Variants in ZNF765 observed in about 807,000 individuals in gnomAD.
The protein encoded by ZNF765 is zinc finger protein 765.
A neutral mutation model predicts 44.7 loss-of-function variants in ZNF765; 37 were observed. The ratio of observed to expected loss-of-function variants is 0.83; its 90% confidence interval spans 0.64 to 1.09. The LOEUF is 1.09. ZNF765 is among the 50% of genes least tolerant of loss of function. The pLI is 0.00. For synonymous variants in ZNF765, 201 were observed against 213.7 expected (o/e 0.94, Z 0.52); for missense variants, 594 against 626.1 (o/e 0.95, Z 0.55).
chr19:53,401,431 T>C (rs575869497), intron 2 of ZNF765, among the ~76,000 whole-genome samples: 1,605 of 151,466 alleles, frequency 0.011, 8 homozygotes, highest in Non-Finnish European at 0.016. Context: ...GGCGTGGTGG[T>C]GGGCGCCTGT....
At chr19:53,398,058 C>G (rs1158126224) in intron 2 of ZNF765, 28 bp downstream of exon 2, 2 of 1,524,338 alleles carry the variant, frequency 1.3e-6, no homozygotes, top group African/African-American at 1.7e-5. Flanking sequence ...GTGGATTGTT[C>G]TGTCTCCTTC....
At chr19:53,417,940 C>T (rs2085884760) in intron 3 of ZNF765, among the ~76,000 whole-genome samples, 1 of 152,072 alleles carries the variant, frequency 6.6e-6, no homozygotes, top group African/African-American at 2.4e-5. Context: ...CCTGATGTAC[C>T]AGAGCTCAGT....
Position 53,402,153 on chromosome 19 carries a change from A to T in ZNF765, c.104A>T (p.Asp35Val). 1 of 1,613,690 alleles carries T rather than the reference A, an allele frequency of 6.2e-7. No homozygotes were observed. Among genetic ancestry groups the T allele is most frequent in the Non-Finnish European group, 8.5e-7 (1 of 1,179,910 alleles). Residue 35 changes from aspartate (D) to valine (V), a missense_variant, in exon 3 of 4, where the codon GAC becomes GTC. Around this residue, in one of 2 missense-constraint regions of ZNF765, gnomAD observed 27 missense variants for 53.6 expected, o/e 0.50. Transcript: ENST00000396408. ...CCTGCTCAGAGGACTCTATACAGGG[A>T]CGTGATGCTGGAGAATTATAGGAAC... is the stretch of plus-strand genomic sequence containing the variant. ...LDPAQRTLYR[D>V]VMLENYRNLV...
At position 53,408,150 on chromosome 19, in the gene ZNF765, T is replaced by C; in HGVS notation, c.595T>C (p.Ser199Pro). 1 of 1,614,028 alleles carries C rather than the reference T, an allele frequency of 6.2e-7. No individual in the cohort carries two copies. Among genetic ancestry groups the C allele is most frequent in the African/African-American group, 1.3e-5 (1 of 75,046 alleles). Residue 199 changes from serine (S) to proline (P), a missense_variant, in exon 4 of 4, where the codon TCT becomes CCT. Ser to Pro is a moderately conservative substitution (Grantham distance 74). Around this residue, in one of 2 missense-constraint regions of ZNF765, gnomAD observed 567 missense variants for 572.6 expected, o/e 0.99. Coordinates refer to ENST00000396408, the MANE Select transcript of ZNF765 (RefSeq NM_001040185.3). ...SNDYGNNFLN[S>P]SLFTQKQEVH... The stretch of plus-strand genomic sequence containing the variant: ...TGACTATGGGAATAATTTCCTGAAT[T>C]CTTCATTATTCACACAAAAACAGGA...
At position 53,397,970 on chromosome 19, in the gene ZNF765, T is replaced by A; in HGVS notation, c.-46T>A. The stretch of plus-strand genomic sequence containing the variant: ...TTGACTTCTAAAGACTCTTGGTATG[T>A]GAGGAAGAAACCTGGAAGAGGAAGA... On this transcript the variant is annotated 5_prime_UTR_variant, in exon 2 of 4. It removes the in-frame stop codon of an upstream open reading frame in the 5' UTR. Transcript: ENST00000396408. 6.2e-7 allele frequency: 1 copy of A among 1,611,436 alleles called. No individual in the cohort carries two copies. The highest frequency in any genetic ancestry group is 8.5e-7 in the Non-Finnish European group (1 of 1,179,802).
At chr19:53,399,887 T>A (rs2085706528) in intron 2 of ZNF765, among the ~76,000 whole-genome samples, 1 of 152,144 alleles carries the variant, frequency 6.6e-6, no homozygotes, top group South Asian at 2.1e-4. Context: ...TGATCTCAAC[T>A]CACTGCAACC....
chr19:53,401,951 G>C, intron 2 of ZNF765, 114 bp from the exon 3 acceptor site: 2 of 1,607,118 alleles, frequency 1.2e-6, no homozygotes, highest in Non-Finnish European at 1.7e-6. Flanking sequence ...ACTCAGATTT[G>C]TTAGAACATT....
downstream of ZNF765, among the ~76,000 whole-genome samples, chr19:53,412,661 A>G (rs1219630299): frequency 3.3e-5 from 5 of 152,274 alleles, no homozygotes; most frequent in South Asian, 6.2e-4. Flanking sequence ...TGATGAGATC[A>G]GATGCAGTGT....
At chr19:53,397,843 C>CGT in intron 1 of ZNF765, 100 bp from the exon 2 acceptor site, 1 of 1,207,262 alleles carries the variant, frequency 8.3e-7, no homozygotes, top group East Asian at 2.5e-5. Flanking sequence ...CATAGGGGAC[C>CGT]GTATGTCCTC....
chr19:53,397,346 A>G (rs1404214673), intron 1 of ZNF765, among the ~76,000 whole-genome samples: 1 of 152,182 alleles, frequency 6.6e-6, no homozygotes, highest in African/African-American at 2.4e-5. Flanking sequence ...GATGATTCCA[A>G]GTACTGCTTG....
chr19:53,401,966 G>A, intron 2 of ZNF765, 99 bp from the exon 3 acceptor site: 1 of 1,611,724 alleles, frequency 6.2e-7, no homozygotes, highest in Non-Finnish European at 8.5e-7. Flanking sequence ...AACATTCACT[G>A]CATTTAAATC....
At chr19:53,400,264 A>G (rs766261909) in intron 2 of ZNF765, among the ~76,000 whole-genome samples, 1 of 152,178 alleles carries the variant, frequency 6.6e-6, no homozygotes, top group Non-Finnish European at 1.5e-5. Context: ...TCATGTTAGT[A>G]AACGTGGATA....
chr19:53,403,104 A>T (rs530903306), intron 3 of ZNF765, among the ~76,000 whole-genome samples: 1 of 151,936 alleles, frequency 6.6e-6, no homozygotes, highest in Non-Finnish European at 1.5e-5. Flanking sequence ...CAGAGGTTGC[A>T]GTGAGCCAAG....
intron 2 of ZNF765, 24 bp from the exon 3 acceptor site, chr19:53,402,041 G>C (rs1338855977): frequency 6.2e-7 from 1 of 1,613,644 alleles, no homozygotes; most frequent in Non-Finnish European, 8.5e-7. Context: ...ATAACCATTT[G>C]GTTAAAATGT....
In ZNF765 at chr19:53,408,474, G is replaced by A. The variant is rs1252061207; in HGVS notation, c.919G>A (p.Ala307Thr). ...TTACAAATGTGAAGAATGTGACAAAGCTTTCCATTTCAAATCAAAGCTTCA... is the reference window on the plus strand; with the variant it reads ...TTACAAATGTGAAGAATGTGACAAAACTTTCCATTTCAAATCAAAGCTTCA... Reference protein sequence around the residue: ...KPYKCEECDKAFHFKSKLQIH... With the variant: ...KPYKCEECDKTFHFKSKLQIH... Residue 307 changes from alanine (A) to threonine (T), a missense_variant, in exon 4 of 4, where the codon GCT (alanine) becomes ACT (threonine). Physicochemically the swap from Ala to Thr is moderately conservative, Grantham distance 58. Around this residue, in one of 2 missense-constraint regions of ZNF765, gnomAD observed 567 missense variants for 572.6 expected, o/e 0.99. Transcript: ENST00000396408. The A allele has an allele frequency of 1.2e-6, 2 of 1,612,806 alleles. No individual in the cohort carries two copies. The highest frequency in any genetic ancestry group is 2.2e-5 in the South Asian group (2 of 91,032).
At position 53,410,882 on chromosome 19, in the gene ZNF765, CCT is replaced by C; in HGVS notation, c.*1757_*1758del. 2.1e-6 allele frequency: 1 copy of C among 466,200 alleles called. No homozygotes were observed. The highest frequency in any genetic ancestry group is 2.4e-5 in the Admixed American group (1 of 41,346). The allele number at this position is 466,200 out of a possible 1,614,324, so 28.9% of individuals were successfully genotyped here. On this transcript the variant is annotated 3_prime_UTR_variant, in exon 4 of 4. Transcript: ENST00000396408. The stretch of plus-strand genomic sequence containing the variant: ...GCAAAGCCTTTAATTCACATTCACA[CCT>C]CACTAGACATCAGAGAATGCATACT...
chr19:53,401,360 A>G lies in ZNF765; in HGVS notation c.16-705A>G, dbSNP rs576243015. On this transcript the variant is annotated intron_variant, in intron 2 of 3. Transcript: ENST00000396408. The stretch of plus-strand genomic sequence containing the variant: ...GGGCGGATCACGAGATCAGGAGATC[A>G]AGACAATCCTGGCTAACACGGTGAA... 1.2e-4 allele frequency among the ~76,000 whole-genome samples: 18 copies of G among 151,500 alleles called. No individual in the cohort carries two copies. In the East Asian group the frequency reaches 1.6e-3, roughly 13 times the overall value.
downstream of ZNF765, among the ~76,000 whole-genome samples, chr19:53,414,856 C>T (rs1270991747): frequency 6.6e-6 from 1 of 151,970 alleles, no homozygotes; most frequent in Non-Finnish European, 1.5e-5. Context: ...CACAGATGGA[C>T]ACACTCAGCT....
chr19:53,408,456 T>C lies in ZNF765; in HGVS notation c.901T>C (p.Cys301Arg), dbSNP rs763884627. 9.9e-6 allele frequency: 16 copies of C among 1,613,626 alleles called. No homozygotes were observed. Among genetic ancestry groups the C allele is most frequent in the Non-Finnish European group, 1.2e-5 (14 of 1,179,764 alleles). The change falls in exon 4 of 4, where the codon TGT (cysteine) becomes CGT (arginine). Residue 301 changes from cysteine (C) to arginine (R), a missense_variant. Physicochemically the swap from Cys to Arg is radical, Grantham distance 180 (BLOSUM62 -3). Around this residue, in one of 2 missense-constraint regions of ZNF765, gnomAD observed 567 missense variants for 572.6 expected, o/e 0.99. Coordinates refer to ENST00000396408, the MANE Select transcript of ZNF765 (RefSeq NM_001040185.3). ...TCATACTGGAGAGAAACCTTACAAATGTGAAGAATGTGACAAAGCTTTCCA... is the reference window on the plus strand; with the variant it reads ...TCATACTGGAGAGAAACCTTACAAACGTGAAGAATGTGACAAAGCTTTCCA... ...RLHTGEKPYK[C>R]EECDKAFHFK...
Sources: allele counts gnomAD v4.1 joint callset (sites outside exome capture counted in the v4.1 genomes callset), GRCh38; gene constraint gnomAD v4.1.1; regional missense constraint gnomAD v4.1.1; transcripts MANE v1.5; gene names NCBI Gene and HGNC (gene_info 2026-07-23, HGNC 2026-07-21).